The following SPTA1 variants were observed in gnomAD, a reference collection of about 807,000 sequenced individuals.
SPTA1 encodes the protein spectrin alpha, erythrocytic 1.
Under a neutral mutation model 324.7 loss-of-function variants are expected in SPTA1, and 177 were observed. The observed-to-expected ratio is 0.55, with a 90% confidence interval of 0.48 to 0.62. SPTA1 has a LOEUF of 0.62. Ranked by LOEUF, SPTA1 falls within the 20% of genes least tolerant of loss-of-function variation. The pLI, the probability that SPTA1 is intolerant of heterozygous loss-of-function variation, is 0.00. For synonymous variants in SPTA1, 1,195 were observed against 1,041.3 expected, an observed-to-expected ratio of 1.15 and a Z score of -2.84; for missense variants, 3,162 against 2,883.6, an observed-to-expected ratio of 1.10 and a Z score of -2.21.
intron 29 of SPTA1, 89 bp downstream of exon 29, chr1:158,645,099 C>T (rs1651892248): frequency 7.3e-7 from 1 of 1,375,008 alleles, no homozygotes; most frequent in Non-Finnish European, 1.0e-6. Flanking sequence ...CGTGGAAAGT[C>T]TAGTGAACGG....
Position 158,677,705 on chromosome 1 carries a change from A to T in SPTA1, c.942T>A (p.Ala314=), listed in dbSNP as rs325996. The change falls in exon 7 of 52, where the codon GCT becomes GCA. Residue 314 remains alanine, a synonymous_variant. Coordinates refer to ENST00000643759, the MANE Select transcript of SPTA1 (RefSeq NM_003126.4). The part of the protein sequence containing the change: ...HSHKGLERNL[A]VMSDKVKELC... ...AGCGCATTACCTTGTCACTCATGAC[A>T]GCAAGATTTCTCTCAAGTCCCTTGT... 0.99 allele frequency: 1,597,140 copies of T among 1,613,458 alleles called. 791,162 individuals carry two copies. Among genetic ancestry groups the T allele is most frequent in the East Asian group, 1 (44,833 of 44,834 alleles).
rs34072412 is a variant in SPTA1, at chr1:158,638,745, CAAAAAAA to C, written c.4981-511_4981-505del. On this transcript the variant is annotated intron_variant, in intron 35 of 51. Coordinates refer to ENST00000643759, the MANE Select transcript of SPTA1 (RefSeq NM_003126.4). ...GCAGGAGAATTGCTTGAGCTGGTAC[CAAAAAAA>C]AAAAAAAAAAAAAAGGAAAATCTTG... is the stretch of plus-strand genomic sequence containing the variant. 5.4e-5 allele frequency among the ~76,000 whole-genome samples: 5 copies of C among 92,190 alleles called. No homozygotes were observed. In the East Asian group the frequency reaches 9.2e-4, roughly 17 times the overall value. 60.5% of individuals were successfully genotyped at this position (92,190 alleles called of 152,430 possible).
chr1:158,632,033 G>A (rs1650708848), intron 39 of SPTA1, among the ~76,000 whole-genome samples: 1 of 151,874 alleles, frequency 6.6e-6, no homozygotes, highest in African/African-American at 2.4e-5. Context: ...GCCAAGATAT[G>A]GACACAACCT....
At position 158,681,487 on chromosome 1, in the gene SPTA1, A is replaced by T. The variant is rs923690119; in HGVS notation, c.531+40T>A. ...TGCTATGGGGTACCTGGGACAGAGGAGTGGGAGGCCCTGTGTGATTGCTGT... is the reference window on the plus strand; with the variant it reads ...TGCTATGGGGTACCTGGGACAGAGGTGTGGGAGGCCCTGTGTGATTGCTGT... On this transcript the variant is annotated intron_variant, in intron 4 of 51. Transcript: ENST00000643759. 15 of 1,613,048 alleles carry T rather than the reference A, an allele frequency of 9.3e-6. No homozygotes were observed. In the Admixed American group the frequency reaches 1.8e-4, roughly 20 times the overall value.
Position 158,620,400 on chromosome 1 carries a change from C to G in SPTA1, c.6187G>C (p.Glu2063Gln). 6.2e-7 allele frequency: 1 copy of G among 1,613,930 alleles called. No homozygotes were observed. The highest frequency in any genetic ancestry group is 1.1e-5 in the South Asian group (1 of 91,064). Residue 2063 changes from glutamate to glutamine, a missense_variant, in exon 44 of 52, where the codon GAA becomes CAA. Coordinates refer to ENST00000643759, the MANE Select transcript of SPTA1 (RefSeq NM_003126.4). ...TGCACAGGCTCTGACAAGTTTTCTTCCATCTTTTCACACCAGTTGTTCAAA... is the reference window on the plus strand; with the variant it reads ...TGCACAGGCTCTGACAAGTTTTCTTGCATCTTTTCACACCAGTTGTTCAAA... Reference protein sequence around the residue: ...SALNNWCEKMEENLSEPVHCV... With the variant: ...SALNNWCEKMQENLSEPVHCV...
chr1:158,637,940 G>A, intron 36 of SPTA1, 93 bp downstream of exon 36: 1 of 1,402,554 alleles, frequency 7.1e-7, no homozygotes, highest in South Asian at 1.2e-5. Context: ...CAAGAAACAA[G>A]TACAAATTTC....
Position 158,634,577 on chromosome 1 carries a change from C to A in SPTA1, c.5531G>T (p.Arg1844Leu), listed in dbSNP as rs371114338. ...AGCTAATGTATCTCCACAATCTCCTCGGACAGCCAAAGCATTCTTTTCATT... is the reference window on the plus strand; with the variant it reads ...AGCTAATGTATCTCCACAATCTCCTAGGACAGCCAAAGCATTCTTTTCATT... ...WINEKNALAV[R>L]GDCGDTLAAT... Residue 1844 changes from arginine (R) to leucine (L), a missense_variant, in exon 39 of 52, where the codon CGA becomes CTA. Arg to Leu is a moderately radical substitution (Grantham distance 102). Transcript: ENST00000643759. The A allele has an allele frequency of 6.2e-7, 1 of 1,614,012 alleles. No individual in the cohort carries two copies. The highest frequency in any genetic ancestry group is 1.3e-5 in the African/African-American group (1 of 74,926).
chr1:158,626,220 C>T lies in SPTA1; in HGVS notation c.5836G>A (p.Asp1946Asn). 6.2e-7 allele frequency: 1 copy of T among 1,613,408 alleles called. No homozygotes were observed. The highest frequency in any genetic ancestry group is 8.5e-7 in the Non-Finnish European group (1 of 1,179,498). The stretch of plus-strand genomic sequence containing the variant: ...TTGGTCTTTAGGCTTGTTTCCTTAT[C>T]AGCTAAAAGGCAAAAACAATTAAGA... ...KADVVEAWIA[D>N]KETSLKTNGN... The change falls in exon 42 of 52, where the codon GAT (aspartate) becomes AAT (asparagine). Residue 1946 changes from aspartate (D) to asparagine (N), a missense_variant and splice_region_variant. Coordinates refer to ENST00000643759, the MANE Select transcript of SPTA1 (RefSeq NM_003126.4).
rs777083248 is a variant in SPTA1, at chr1:158,653,275, G to C, written c.3187C>G (p.Gln1063Glu). Residue 1063 changes from glutamine to glutamate, a missense_variant and splice_region_variant, in exon 22 of 52, where the codon CAA (glutamine) becomes GAA (glutamate). Physicochemically the swap from Gln to Glu is conservative, Grantham distance 29. Transcript: ENST00000643759. ...ITQRQEQIEN[Q>E]YRSLLDRAEE... ...AGTTCTCCAGGCTCCAGAACTTACT[G>C]GTTCTCAATCTGCTCCTGGCGCTGG... The C allele has an allele frequency of 2.5e-6, 4 of 1,614,084 alleles. No individual in the cohort carries two copies. In the South Asian group the frequency reaches 4.4e-5, roughly 18 times the overall value.
At position 158,654,632 on chromosome 1, in the gene SPTA1, C is replaced by A. The variant is rs778639504; in HGVS notation, c.3015G>T (p.Thr1005=). The A allele has an allele frequency of 2.5e-6, 4 of 1,613,700 alleles. No homozygotes were observed. The East Asian group carries it at 6.7e-5, about 27-fold the overall frequency. The stretch of plus-strand genomic sequence containing the variant: ...TCACCTTATTGATGGAACTGAGCAG[C>A]GTTAAGACATCACCTTTCTTCATGG... The part of the protein sequence containing the change: ...EVTMKKGDVL[T]LLSSINKDWW... Residue 1005 remains threonine, a synonymous_variant, in exon 21 of 52, where the codon ACG becomes ACT. Coordinates refer to ENST00000643759, the MANE Select transcript of SPTA1 (RefSeq NM_003126.4).
At chr1:158,650,501 T>C (rs1243644571) in intron 24 of SPTA1, among the ~76,000 whole-genome samples, 3 of 152,194 alleles carry the variant, frequency 2.0e-5, no homozygotes, top group African/African-American at 7.2e-5. Flanking sequence ...TTTTATGGAA[T>C]CATAGATCCA....
Position 158,654,705 on chromosome 1 carries a change from C to G in SPTA1, c.2942G>C (p.Arg981Thr), listed in dbSNP as rs1302039260. Residue 981 changes from arginine to threonine, a missense_variant, in exon 21 of 52, where the codon AGG (arginine) becomes ACG (threonine). Transcript: ENST00000643759. ...CTGGAAGTCATATAAAGCCATGACC[C>G]TTTGTTCTCCAGCAACTCCCTCCAC... ...APVEGVAGEQ[R>T]VMALYDFQAR... is the part of the protein sequence containing the mutation. The G allele has an allele frequency of 6.2e-7, 1 of 1,613,834 alleles. No homozygotes were observed. Among genetic ancestry groups the G allele is most frequent in the Non-Finnish European group, 8.5e-7 (1 of 1,179,944 alleles).
rs1337317087 is a variant in SPTA1, at chr1:158,648,523, G to T, written c.3700C>A (p.Pro1234Thr). The change falls in exon 26 of 52, where the codon CCC becomes ACC. Residue 1234 changes from proline to threonine, a missense_variant. Pro to Thr is a conservative substitution (Grantham distance 38). Transcript: ENST00000643759. ...RHEGFERDLV[P>T]LGDKVTILGE... ...ACTTGTCTCACCTTATCTCCCAGGG[G>T]TACGAGGTCCCTTTCAAAGCCCTCA... The T allele has an allele frequency of 6.2e-7, 1 of 1,613,934 alleles. No individual in the cohort carries two copies. Among genetic ancestry groups the T allele is most frequent in the East Asian group, 2.2e-5 (1 of 44,876 alleles).
Position 158,644,218 on chromosome 1 carries a change from A to T in SPTA1, c.4338+35T>A. The T allele has an allele frequency of 1.9e-6, 3 of 1,611,446 alleles. No homozygotes were observed. In the South Asian group the frequency reaches 3.3e-5, roughly 18 times the overall value. On this transcript the variant is annotated intron_variant, in intron 30 of 51. Coordinates refer to ENST00000643759, the MANE Select transcript of SPTA1 (RefSeq NM_003126.4). ...AGGATTTCTGTTATTATTACTACGG[A>T]TTATTATTTTAATTCCTTTACTAGT...
intron 38 of SPTA1, 127 bp downstream of exon 38, chr1:158,635,786 G>C: frequency 7.2e-7 from 1 of 1,382,520 alleles, no homozygotes; most frequent in South Asian, 1.2e-5. Flanking sequence ...TTTGAGAAGG[G>C]ACTTAAGGAG....
rs1187078455 is a variant in SPTA1 at position 158,636,690 on chromosome 1, T to G, written c.5261A>C (p.Lys1754Thr). The change falls in exon 37 of 52, where the codon AAG becomes ACG. Residue 1754 changes from lysine to threonine, a missense_variant. Physicochemically the swap from Lys to Thr is moderately conservative, Grantham distance 78. Coordinates refer to ENST00000643759, the MANE Select transcript of SPTA1 (RefSeq NM_003126.4). ...CAGCTCCCCCTCTAGGCGTTTGTGC[T>G]TCTTCAGCAAGTTCTGAACCCCCTG... ...DLQGVQNLLK[K>T]HKRLEGELVA... is the part of the protein sequence containing the mutation. 1 of 1,614,146 alleles carries G rather than the reference T, an allele frequency of 6.2e-7. No homozygotes were observed. Among genetic ancestry groups the G allele is most frequent in the South Asian group, 1.1e-5 (1 of 91,082 alleles).
intron 24 of SPTA1, 24 bp from the exon 25 acceptor site, chr1:158,649,971 C>G: frequency 6.5e-7 from 1 of 1,550,374 alleles, no homozygotes; most frequent in Non-Finnish European, 8.9e-7. Flanking sequence ...AAACATCAGA[C>G]TTGAGACAGA....
chr1:158,676,141 CA>C lies in SPTA1; in HGVS notation c.1111del (p.Trp371GlyfsTer16). On this transcript the variant is annotated frameshift_variant and splice_region_variant, in exon 8 of 52. Transcript: ENST00000643759. LOFTEE classifies it high-confidence loss of function. ...GCAATAAAGGGGAGGGATTTCCCAC[CA>C]ATAAGTAGCCTGCAGTTTTTCATAT... ...SRYEKLQATY[W>X]YHRFSSDFDE... 1 of 1,613,454 alleles carries C rather than the reference CA, an allele frequency of 6.2e-7. No homozygotes were observed. Among genetic ancestry groups the C allele is most frequent in the Non-Finnish European group, 8.5e-7 (1 of 1,179,598 alleles).
At chr1:158,624,213 C>T (rs1650113693) in intron 42 of SPTA1, among the ~76,000 whole-genome samples, 1 of 152,226 alleles carries the variant, frequency 6.6e-6, no homozygotes, top group South Asian at 2.1e-4. Flanking sequence ...ACACCCGCCC[C>T]TGACAGAGCC....
Sources: allele counts gnomAD v4.1 joint callset (sites outside exome capture counted in the v4.1 genomes callset), GRCh38; gene constraint gnomAD v4.1.1; transcripts MANE v1.5; gene names NCBI Gene and HGNC (gene_info 2026-07-23, HGNC 2026-07-21).